Variants in DIXDC1 observed in about 807,000 individuals in gnomAD.
The protein encoded by DIXDC1 is DIX domain containing 1.
Under a neutral mutation model 103.1 loss-of-function variants are expected in DIXDC1, and 64 were observed. The observed-to-expected ratio is 0.62, with a 90% CI of 0.51 to 0.76. The LOEUF is 0.76. Among genes scored for constraint, DIXDC1 ranks in the 30% least tolerant of loss-of-function variants. The pLI is 0.00. For synonymous variants in DIXDC1, 266 were observed against 298.5 expected (o/e 0.89, Z 1.12); for missense variants, 759 against 834.2 (o/e 0.91, Z 1.11).
rs1859485766 is a variant in DIXDC1 at position 111,958,972 on chromosome 11, C to T, written c.61-5577C>T. Among the ~76,000 whole-genome samples the T allele has an allele frequency of 6.6e-6, 1 of 152,170 alleles. No homozygotes were observed. The highest frequency in any genetic ancestry group is 1.5e-5 in the Non-Finnish European group (1 of 68,030). ...TACCCACTCCAGGGTCTTCACTCTG[C>T]TGAGAGCTGAACACTCATCGGGACA... On this transcript the variant is annotated intron_variant, in intron 1 of 19. Transcript: ENST00000440460. This position sits in a 1 kb window ranked among gnomAD's most constrained non-coding sequence, Gnocchi z 4.2.
intron 10 of DIXDC1, 122 bp downstream of exon 10, chr11:111,989,177 A>C: frequency 1.3e-6 from 1 of 743,638 alleles, no homozygotes; most frequent in Non-Finnish European, 2.1e-6. Context: ...TTGGTAAAGA[A>C]AGGGCTTTGT....
intron 8 of DIXDC1, among the ~76,000 whole-genome samples, chr11:111,985,654 A>G (rs1860464352): frequency 6.6e-6 from 1 of 152,004 alleles, no homozygotes. Context: ...GTTCCTCAGC[A>G]TTCCAGTCTA....
intron 9 of DIXDC1, among the ~76,000 whole-genome samples, chr11:111,987,450 A>C (rs1860532303): frequency 6.6e-6 from 1 of 152,092 alleles, no homozygotes; most frequent in African/African-American, 2.4e-5. Flanking sequence ...GTACCATTCT[A>C]TATGTTTGAA....
At chr11:111,937,133 G>A (rs587633317), upstream of DIXDC1, 112 of 684,934 alleles carry the variant, frequency 1.6e-4, 8 homozygotes, top group Non-Finnish European at 1.9e-4. Context: ...GGCCCGGGCG[G>A]GGGGGGGGTG....
intron 1 of DIXDC1, among the ~76,000 whole-genome samples, chr11:111,951,813 C>T (rs1490424767): frequency 1.3e-5 from 2 of 151,870 alleles, no homozygotes; most frequent in Non-Finnish European, 2.9e-5. Context: ...TCCTCCTTGC[C>T]TTCTGCCATG....
At chr11:111,991,594 CA>C (rs1340742771) in intron 10 of DIXDC1, among the ~76,000 whole-genome samples, 5 of 152,310 alleles carry the variant, frequency 3.3e-5, no homozygotes, top group Admixed American at 2.6e-4. Flanking sequence ...CATTTGAAGT[CA>C]CCATGGTTGA....
At chr11:111,957,658 A>T (rs1056921583) in intron 1 of DIXDC1, among the ~76,000 whole-genome samples, 6 of 152,254 alleles carry the variant, frequency 3.9e-5, no homozygotes, top group African/African-American at 1.4e-4. Context: ...ATAACTGGCC[A>T]GCACTCTTCA....
At position 111,982,390 on chromosome 11, in the gene DIXDC1, C is replaced by A. The variant is rs781933876; in HGVS notation, c.821C>A (p.Thr274Asn). The A allele has an allele frequency of 6.2e-7, 1 of 1,613,866 alleles. No individual in the cohort carries two copies. The highest frequency in any genetic ancestry group is 8.5e-7 in the Non-Finnish European group (1 of 1,179,864). ...SRDWRPGSPG[T>N]YLETSWEEQL... The stretch of plus-strand genomic sequence containing the variant: ...GACTGGCGGCCAGGGAGCCCTGGAA[C>A]CTATCTGGAGACCTCATGGGAAGAA... The change falls in exon 7 of 20, where the codon ACC becomes AAC. Residue 274 changes from threonine (T) to asparagine (N), a missense_variant. Transcript: ENST00000440460.
Position 111,964,698 on chromosome 11 carries a change from TGATA to T in DIXDC1, c.190+21_190+24del. 6.3e-7 allele frequency: 1 copy of T among 1,587,354 alleles called. No homozygotes were observed. The highest frequency in any genetic ancestry group is 1.2e-5 in the South Asian group (1 of 85,486). On this transcript the variant is annotated intron_variant, in intron 2 of 19. Coordinates refer to ENST00000440460, the MANE Select transcript of DIXDC1 (RefSeq NM_001037954.4). ...TTGTTGGTCAGTTGGCCCTGGACTC[TGATA>T]CTAGAGTACATAGATCAGAATCTGG...
intron 2 of DIXDC1, among the ~76,000 whole-genome samples, chr11:111,967,848 A>T (rs1292690297): frequency 6.6e-6 from 1 of 152,210 alleles, no homozygotes; most frequent in Non-Finnish European, 1.5e-5. Flanking sequence ...GTGGTCCAGA[A>T]AGCCCCGCCT....
Position 112,019,368 on chromosome 11 carries a change from C to T in DIXDC1, c.*332C>T. 5.7e-6 allele frequency: 1 copy of T among 174,294 alleles called. No individual in the cohort carries two copies. Among genetic ancestry groups the T allele is most frequent in the Admixed American group, 6.0e-5 (1 of 16,760 alleles). The allele number at this position is 174,294 out of a possible 1,614,324, so 10.8% of individuals were successfully genotyped here. ...TCTGTAGGGGCATGGCTGCTATTAT[C>T]TGGAAATTAGGAATTGGATGCATCA... On this transcript the variant is annotated 3_prime_UTR_variant, in exon 20 of 20. Coordinates refer to ENST00000440460, the MANE Select transcript of DIXDC1 (RefSeq NM_001037954.4).
intron 17 of DIXDC1, among the ~76,000 whole-genome samples, chr11:112,007,318 A>G (rs1364008318): frequency 6.6e-6 from 1 of 152,224 alleles, no homozygotes; most frequent in East Asian, 1.9e-4. Context: ...GAAAAGACCA[A>G]ATCTACGTTT....
Position 111,964,693 on chromosome 11 carries a change from GACT to G in DIXDC1, c.190+16_190+18del. ...CGAGATTGTTGGTCAGTTGGCCCTG[GACT>G]CTGATACTAGAGTACATAGATCAGA... On this transcript the variant is annotated intron_variant, in intron 2 of 19. Coordinates refer to ENST00000440460, the MANE Select transcript of DIXDC1 (RefSeq NM_001037954.4). The G allele has an allele frequency of 6.3e-7, 1 of 1,592,796 alleles. No homozygotes were observed. The highest frequency in any genetic ancestry group is 8.5e-7 in the Non-Finnish European group (1 of 1,170,612).
In DIXDC1 at chr11:111,968,368, G is replaced by A. The variant is rs1274715983; in HGVS notation, c.191-145G>A. ...TCATATTCCTATTTCCCATCTAAATGACAAACACCAGGACTTAACTCATTT... is the reference window on the plus strand; with the variant it reads ...TCATATTCCTATTTCCCATCTAAATAACAAACACCAGGACTTAACTCATTT... On this transcript the variant is annotated intron_variant, in intron 2 of 19. Transcript: ENST00000440460. 11 of 845,524 alleles carry A rather than the reference G, an allele frequency of 1.3e-5. No individual in the cohort carries two copies. The South Asian group carries it at 1.8e-4, about 14-fold the overall frequency. 52.4% of individuals were successfully genotyped at this position (845,524 alleles called of 1,614,324 possible). A position where few individuals can be genotyped will look rare whatever the true frequency, so the allele number is the denominator to read the frequency against.
chr11:111,965,747 A>G (rs1555171445), intron 2 of DIXDC1, among the ~76,000 whole-genome samples: 1 of 152,212 alleles, frequency 6.6e-6, no homozygotes, highest in Non-Finnish European at 1.5e-5. Flanking sequence ...ACTTAGTATG[A>G]GTCAAACAAA....
Position 111,998,600 on chromosome 11 carries a change from A to G in DIXDC1, c.1756+2454A>G, listed in dbSNP as rs189490317. ...GCTCTGTTGCCCAGGCTGGAGTGCA[A>G]TGGCGTGATCTCGACTCACTGCAAG... is the stretch of plus-strand genomic sequence containing the variant. On this transcript the variant is annotated intron_variant, in intron 17 of 19. Transcript: ENST00000440460. This position sits in a 1 kb window ranked among gnomAD's most constrained non-coding sequence, Gnocchi z 4.1. Among the ~76,000 whole-genome samples, 1,486 of 152,124 alleles carry G rather than the reference A, an allele frequency of 9.8e-3. 30 individuals are homozygous for G. The highest frequency in any genetic ancestry group is 0.034 in the African/African-American group (1,400 of 41,474).
In DIXDC1 at chr11:111,937,554, A is replaced by T. The variant is rs199945833; in HGVS notation, c.55A>T (p.Asn19Tyr). ...NLLDVLQEGF[N>Y]EQQLQAYVAW... ...ACTGGACGTCCTGCAGGAGGGCTTC[A>T]ATGAGGTAACTGTCCTGCTCCTCCC... Residue 19 changes from asparagine to tyrosine, a missense_variant, in exon 1 of 20, where the codon AAT becomes TAT. This residue lies in a region of DIXDC1 where 97 missense variants were observed against 85.4 expected (regional missense o/e 1.14). Transcript: ENST00000440460. 1.3e-6 allele frequency: 2 copies of T among 1,592,084 alleles called. No individual in the cohort carries two copies. Among genetic ancestry groups the T allele is most frequent in the Non-Finnish European group, 1.7e-6 (2 of 1,169,790 alleles).
At chr11:111,993,056 G>C in intron 12 of DIXDC1, 52 bp downstream of exon 12, 1 of 1,537,070 alleles carries the variant, frequency 6.5e-7, no homozygotes, top group Non-Finnish European at 8.8e-7. Context: ...TTCATGAACA[G>C]CCCGTTATTG....
chr11:111,933,355 TG>T (rs1349304190), upstream of DIXDC1, among the ~76,000 whole-genome samples: 1 of 152,234 alleles, frequency 6.6e-6, no homozygotes, highest in African/African-American at 2.4e-5. Context: ...CTCGGACTCC[TG>T]ACCTCAGGTG....
Sources: gnomAD v4.1 joint callset for allele counts (sites outside exome capture counted in the v4.1 genomes callset) on GRCh38, gnomAD v4.1.1 for gene constraint, gnomAD v4.1.1 regional missense constraint, Gnocchi (gnomAD v3.1) non-coding constraint, MANE v1.5 for transcripts, NCBI Gene and HGNC (gene_info 2026-07-23, HGNC 2026-07-21) for gene names.